RELN: variants seen among roughly 807,000 people sequenced by gnomAD.
RELN encodes the protein reelin.
Under a neutral mutation model 427.6 loss-of-function variants are expected in RELN, and 108 were observed. The ratio of observed to expected loss-of-function variants is 0.25; its 90% CI spans 0.22 to 0.30. The LOEUF (loss-of-function observed/expected upper bound fraction) is 0.30. Ranked by LOEUF, RELN falls within the 10% of genes least tolerant of loss-of-function variation. The pLI is 1.00. For missense variants in RELN, 3,715 were observed against 4,302.8 expected (o/e 0.86, Z 3.82); for synonymous variants, 1,524 against 1,513.4 (o/e 1.01, Z -0.16).
At chr7:103,478,477 G>A in intron 63 of RELN, 83 bp from the exon 64 acceptor site, 1 of 712,616 alleles carries the variant, frequency 1.4e-6, no homozygotes, top group South Asian at 1.5e-5. Flanking sequence ...ACTGTGATTA[G>A]TCATAAAAGT....
At chr7:103,976,464 G>A (rs1796881603) in intron 1 of RELN, among the ~76,000 whole-genome samples, 1 of 152,216 alleles carries the variant, frequency 6.6e-6, no homozygotes, top group African/African-American at 2.4e-5. Context: ...CTGAGGCAAT[G>A]GCAAATTCTG....
chr7:103,701,824 C>T (rs1213650932), intron 8 of RELN, among the ~76,000 whole-genome samples: 1 of 151,044 alleles, frequency 6.6e-6, no homozygotes, highest in East Asian at 1.9e-4. Flanking sequence ...ATGAATGAAC[C>T]AAAACAAAAA....
chr7:103,881,177 T>C (rs1282050460), intron 2 of RELN, among the ~76,000 whole-genome samples: 1 of 152,170 alleles, frequency 6.6e-6, no homozygotes, highest in African/African-American at 2.4e-5. Context: ...TGGCTTCTGC[T>C]TCTACAAAAA....
Position 103,938,292 on chromosome 7 carries a change from C to T in RELN, c.227-21107G>A, listed in dbSNP as rs1013681015. ...CCGAGATTGCGCCATTGCACTCCAT[C>T]TCAAAAAAAGAAAAAAAAAGAAAAA... is the stretch of plus-strand genomic sequence containing the variant. On this transcript the variant is annotated intron_variant, in intron 1 of 64. Transcript: ENST00000428762. Among the ~76,000 whole-genome samples, 80 of 151,374 alleles carry T rather than the reference C, an allele frequency of 5.3e-4. 2 individuals carry two copies. The highest frequency in any genetic ancestry group is 5.2e-3 in the Admixed American group (79 of 15,226).
In RELN at chr7:103,953,096, C is replaced by A. The variant is rs574345034; in HGVS notation, c.227-35911G>T. On this transcript the variant is annotated intron_variant, in intron 1 of 64. Coordinates refer to ENST00000428762, the MANE Select transcript of RELN (RefSeq NM_005045.4). This position sits in a 1 kb window ranked among gnomAD's most constrained non-coding sequence, Gnocchi z 4.3. Reference sequence around the variant, plus strand: ...TTCTACCGTTCTCTTCCTCATCCCACGCGCTGATTCAAGCTCCAAGATTCC... The same window carrying A: ...TTCTACCGTTCTCTTCCTCATCCCAAGCGCTGATTCAAGCTCCAAGATTCC... 6.6e-6 allele frequency among the ~76,000 whole-genome samples: 1 copy of A among 152,088 alleles called. No homozygotes were observed. Among genetic ancestry groups the A allele is most frequent in the African/African-American group, 2.4e-5 (1 of 41,408 alleles).
At chr7:103,511,756 G>C (rs1027247101) in intron 50 of RELN, among the ~76,000 whole-genome samples, 1 of 152,212 alleles carries the variant, frequency 6.6e-6, no homozygotes, top group Non-Finnish European at 1.5e-5. Flanking sequence ...TACTTAGGAG[G>C]CTGCTTGAGT....
At chr7:103,651,600 T>C (rs1832914936) in intron 15 of RELN, 61 bp downstream of exon 15, 4 of 1,538,914 alleles carry the variant, frequency 2.6e-6, no homozygotes, top group East Asian at 2.3e-5. Context: ...GGATAACTCA[T>C]TGATTTTTAT....
At chr7:103,917,212 C>G (rs754229297) in intron 1 of RELN, 27 bp from the exon 2 acceptor site, 2 of 1,430,652 alleles carry the variant, frequency 1.4e-6, no homozygotes, top group Non-Finnish European at 2.0e-6. Context: ...AAAAAAAAAA[C>G]TCTCAATACA....
At chr7:103,882,968 G>A (rs1794642295) in intron 2 of RELN, among the ~76,000 whole-genome samples, 1 of 152,080 alleles carries the variant, frequency 6.6e-6, no homozygotes, top group South Asian at 2.1e-4. Context: ...CCAAAACCTG[G>A]CAGAGACACA....
chr7:103,588,578 A>G (rs1412239432), intron 28 of RELN, among the ~76,000 whole-genome samples: 1 of 152,194 alleles, frequency 6.6e-6, no homozygotes, highest in African/African-American at 2.4e-5. Context: ...ACATGTAACA[A>G]TATTTCACAT....
In RELN at chr7:103,557,069, T is replaced by A; in HGVS notation, c.5705A>T (p.Gln1902Leu). 1 of 1,613,646 alleles carries A rather than the reference T, an allele frequency of 6.2e-7. No individual in the cohort carries two copies. Among genetic ancestry groups the A allele is most frequent in the East Asian group, 2.2e-5 (1 of 44,890 alleles). Reference protein sequence around the residue: ...WHLMDEFYFPQTTNILFINVP... With the variant: ...WHLMDEFYFPLTTNILFINVP... ...ATTGATGAAAAGTATATTCGTTGTT[T>A]GAGGAAAGTAAAATTCATCCATCAG... The change falls in exon 38 of 65, where the codon CAA becomes CTA. Residue 1902 changes from glutamine (Q) to leucine (L), a missense_variant. This residue lies in a region of RELN where 2,208 missense variants were observed against 2,361.7 expected (regional missense o/e 0.93). Coordinates refer to ENST00000428762, the MANE Select transcript of RELN (RefSeq NM_005045.4).
Position 103,738,297 on chromosome 7 carries a change from G to C in RELN, c.657-10090C>G, listed in dbSNP as rs182777853. ...TTGCTTAAAGGGTAAAACTCTTCTTGAGAAAACTAAAATCCATTCATGTTT... is the reference window on the plus strand; with the variant it reads ...TTGCTTAAAGGGTAAAACTCTTCTTCAGAAAACTAAAATCCATTCATGTTT... On this transcript the variant is annotated intron_variant, in intron 6 of 64. Coordinates refer to ENST00000428762, the MANE Select transcript of RELN (RefSeq NM_005045.4). Among the ~76,000 whole-genome samples, 4 of 151,820 alleles carry C rather than the reference G, an allele frequency of 2.6e-5. No homozygotes were observed. In the East Asian group the frequency reaches 7.7e-4, roughly 29 times the overall value.
intron 22 of RELN, among the ~76,000 whole-genome samples, chr7:103,606,646 C>T (rs925044783): frequency 5.9e-5 from 9 of 152,086 alleles, no homozygotes; most frequent in African/African-American, 1.7e-4. Flanking sequence ...TTTTTTACTT[C>T]CAAATGTGAA....
At chr7:103,886,683 C>A (rs1269746229) in intron 2 of RELN, among the ~76,000 whole-genome samples, 1 of 152,182 alleles carries the variant, frequency 6.6e-6, no homozygotes, top group Non-Finnish European at 1.5e-5. Context: ...GGTGAACTAA[C>A]AATTGTGATA....
intron 15 of RELN, among the ~76,000 whole-genome samples, chr7:103,650,809 G>A (rs1049715770): frequency 4.6e-5 from 7 of 152,028 alleles, no homozygotes; most frequent in Non-Finnish European, 1.0e-4. Context: ...TATCTGTAGA[G>A]ACAAGGTCTC....
intron 1 of RELN, 52 bp from the exon 2 acceptor site, chr7:103,917,237 A>T (rs1203966470): frequency 7.6e-7 from 1 of 1,318,524 alleles, no homozygotes; most frequent in Non-Finnish European, 1.1e-6. Flanking sequence ...GAATAACACA[A>T]TATATTTCTG....
chr7:103,869,504 T>C (rs917970302), intron 2 of RELN, among the ~76,000 whole-genome samples: 5 of 152,154 alleles, frequency 3.3e-5, no homozygotes, highest in African/African-American at 1.2e-4. Flanking sequence ...AATTTTTATT[T>C]TGAGGATATT....
intron 8 of RELN, among the ~76,000 whole-genome samples, chr7:103,716,091 T>C (rs924768112): frequency 2.0e-5 from 3 of 152,208 alleles, no homozygotes; most frequent in African/African-American, 7.2e-5. Flanking sequence ...GCAGGGCTCC[T>C]GCATCTTGTT....
rs1464022839 is a variant in RELN at position 103,923,113 on chromosome 7, T to C, written c.227-5928A>G. On this transcript the variant is annotated intron_variant, in intron 1 of 64. Transcript: ENST00000428762. The stretch of plus-strand genomic sequence containing the variant: ...TATTTAAGAAAACATCATTGCATTT[T>C]GCCTTATGAAGAGAAATTCGTTTGC... 2.0e-5 allele frequency among the ~76,000 whole-genome samples: 3 copies of C among 152,210 alleles called. No homozygotes were observed. The South Asian group carries it at 6.2e-4, about 32-fold the overall frequency.
Sources: gnomAD v4.1 joint callset for allele counts (sites outside exome capture counted in the v4.1 genomes callset) on GRCh38, gnomAD v4.1.1 for gene constraint, gnomAD v4.1.1 regional missense constraint, Gnocchi (gnomAD v3.1) non-coding constraint, MANE v1.5 for transcripts, NCBI Gene and HGNC (gene_info 2026-07-23, HGNC 2026-07-21) for gene names.